Variants in SYTL5 observed in about 807,000 individuals in gnomAD.
The protein encoded by SYTL5 is synaptotagmin-like protein 5.
SYTL5 carries 34 observed loss-of-function variants against 55.9 expected under a neutral mutation model. The ratio of observed to expected loss-of-function variants is 0.61; its 90% CI spans 0.46 to 0.81. The LOEUF (loss-of-function observed/expected upper bound fraction) is 0.81. Ranked by LOEUF, SYTL5 falls within the 30% of genes least tolerant of loss-of-function variation. The pLI, the probability that SYTL5 is intolerant of heterozygous loss-of-function variation, is 0.00. For synonymous variants in SYTL5, 221 were observed against 188.7 expected, an observed-to-expected ratio of 1.17 and a Z score of -1.40; for missense variants, 637 against 546.7, an observed-to-expected ratio of 1.17 and a Z score of -1.65.
At chrX:37,903,606 C>T in the SYTL5 span, among the ~76,000 whole-genome samples, 3 of 105,896 alleles carry the variant, frequency 2.8e-5, no homozygotes, top group Non-Finnish European at 5.8e-5. Context: ...TGTTAAATGA[C>T]GAGTTAATGG....
chrX:37,975,247 C>T, the SYTL5 span, among the ~76,000 whole-genome samples: 58 of 111,759 alleles, frequency 5.2e-4, no homozygotes, highest in South Asian at 6.0e-3. Flanking sequence ...CATCTTCCAC[C>T]TGTCATTGGC....
the SYTL5 span, among the ~76,000 whole-genome samples, chrX:37,903,831 G>A: frequency 9.0e-6 from 1 of 111,622 alleles, no homozygotes; most frequent in Non-Finnish European, 1.9e-5. Flanking sequence ...CTGGTAAAAT[G>A]TTTCCTGACC....
the SYTL5 span, among the ~76,000 whole-genome samples, chrX:37,957,947 G>A: frequency 8.9e-6 from 1 of 112,066 alleles, no homozygotes; most frequent in African/African-American, 3.2e-5. Flanking sequence ...GGTGGCTCAC[G>A]CCTGTAATCC....
At chrX:37,905,783 G>C in the SYTL5 span, among the ~76,000 whole-genome samples, 1 of 113,017 alleles carries the variant, frequency 8.8e-6, no homozygotes, top group Non-Finnish European at 1.9e-5. Flanking sequence ...CGAGAAGAGG[G>C]AGATCCACGA....
At chrX:37,954,862 C>G in the SYTL5 span, among the ~76,000 whole-genome samples, 1 of 111,391 alleles carries the variant, frequency 9.0e-6, no homozygotes, top group Non-Finnish European at 1.9e-5. Flanking sequence ...TTAACATAAT[C>G]AGAACATAAT....
intron 2 of SYTL5, among the ~76,000 whole-genome samples, chrX:38,046,250 CAT>C (rs1935457090): frequency 9.0e-6 from 1 of 111,426 alleles, no homozygotes; most frequent in African/African-American, 3.3e-5. Flanking sequence ...AATGGTATGA[CAT>C]GTGTATTAGT....
intron 3 of SYTL5, among the ~76,000 whole-genome samples, chrX:38,066,264 T>C (rs766943004): frequency 8.9e-6 from 1 of 112,022 alleles, no homozygotes; most frequent in Admixed American, 9.4e-5. Context: ...ATGAATCTTT[T>C]GGTCATTATT....
At chrX:37,990,799 G>A in the SYTL5 span, 1 of 1,155,348 alleles carries the variant, frequency 8.7e-7, no homozygotes, top group African/African-American at 1.8e-5. Flanking sequence ...TTGAGCTAGA[G>A]AATCAAGCAG....
the SYTL5 span, among the ~76,000 whole-genome samples, chrX:37,938,524 G>T: frequency 8.9e-6 from 1 of 112,065 alleles, no homozygotes; most frequent in African/African-American, 3.2e-5. Flanking sequence ...GAAACTTAAA[G>T]ATACAAAGAG....
At chrX:38,110,181 A>G in intron 12 of SYTL5, 140 bp from the exon 13 acceptor site, 1 of 395,704 alleles carries the variant, frequency 2.5e-6, no homozygotes. Context: ...ACAAAGAAAA[A>G]CAAAGAGTTT....
the SYTL5 span, among the ~76,000 whole-genome samples, chrX:37,998,595 C>T: frequency 8.9e-6 from 1 of 111,990 alleles, no homozygotes; most frequent in Non-Finnish European, 1.9e-5. Flanking sequence ...TCCTCACACA[C>T]CCCTTGCCGT....
At chrX:37,970,498 A>ATT in the SYTL5 span, among the ~76,000 whole-genome samples, 1 of 110,309 alleles carries the variant, frequency 9.1e-6, no homozygotes, top group African/African-American at 3.3e-5. Flanking sequence ...TAATAAGAAT[A>ATT]TTTTTTTAAA....
At chrX:37,942,361 G>C in the SYTL5 span, among the ~76,000 whole-genome samples, 1 of 111,822 alleles carries the variant, frequency 8.9e-6, no homozygotes, top group East Asian at 2.8e-4. Flanking sequence ...CTGAAAGTTG[G>C]AGCAATTTTC....
the SYTL5 span, among the ~76,000 whole-genome samples, chrX:37,930,282 C>T: frequency 3.7e-3 from 414 of 111,945 alleles, 1 homozygote; most frequent in Non-Finnish European, 6.3e-3. Flanking sequence ...TAGCTGGGCA[C>T]ATGTGTGCTC....
At chrX:38,120,692 C>T (rs1288918124) in intron 14 of SYTL5, among the ~76,000 whole-genome samples, 2 of 110,421 alleles carry the variant, frequency 1.8e-5, no homozygotes, top group Admixed American at 9.6e-5. Flanking sequence ...TAGAAACCAG[C>T]CTTGGTGGTC....
the SYTL5 span, among the ~76,000 whole-genome samples, chrX:37,981,052 C>T: frequency 5.4e-5 from 6 of 112,117 alleles, no homozygotes; most frequent in South Asian, 3.7e-4. Flanking sequence ...GATTATTCCC[C>T]GGAGGAGAAG....
At chrX:38,025,311 T>G (rs759713522) in intron 1 of SYTL5, among the ~76,000 whole-genome samples, 15 of 112,462 alleles carry the variant, frequency 1.3e-4, no homozygotes, top group Non-Finnish European at 2.8e-4. Context: ...AAGCTGCATT[T>G]CAAGTACACA....
At chrX:37,929,066 A>C in the SYTL5 span, among the ~76,000 whole-genome samples, 1 of 112,872 alleles carries the variant, frequency 8.9e-6, no homozygotes, top group African/African-American at 3.2e-5. Context: ...TACACAAGAA[A>C]AATAATATTT....
chrX:37,968,894 TA>T, the SYTL5 span, among the ~76,000 whole-genome samples: 1 of 112,202 alleles, frequency 8.9e-6, no homozygotes, highest in Non-Finnish European at 1.9e-5. Flanking sequence ...CAATCCACTA[TA>T]GTGAAGTTTC....
Sources: gnomAD v4.1 joint callset for allele counts (sites outside exome capture counted in the v4.1 genomes callset) on GRCh38, gnomAD v4.1.1 for gene constraint, MANE v1.5 for transcripts, NCBI Gene and HGNC (gene_info 2026-07-23, HGNC 2026-07-21) for gene names.